SEM1: variants seen among roughly 807,000 people sequenced by gnomAD.
SEM1 encodes the protein 26S proteasome complex subunit SEM1.
Under a neutral mutation model 12.7 loss-of-function variants are expected in SEM1, and 3 were observed. That is an observed-to-expected ratio of 0.24 (90% CI 0.11 to 0.61). The LOEUF (loss-of-function observed/expected upper bound fraction) is 0.61. SEM1 is among the 20% of genes least tolerant of loss of function. The pLI, the probability that SEM1 is intolerant of heterozygous loss-of-function variation, is 0.88. For missense variants in SEM1, 59 were observed against 81.3 expected (o/e 0.73, Z 1.06); for synonymous variants, 30 against 27.8 (o/e 1.08, Z -0.25).
intron 2 of SEM1, among the ~76,000 whole-genome samples, chr7:96,554,679 C>A (rs537545584): frequency 1.3e-5 from 2 of 151,326 alleles, no homozygotes; most frequent in East Asian, 2.0e-4. Flanking sequence ...TGTCTCTGCC[C>A]GGCTTTGGTA....
At chr7:96,481,878 G>T (rs1307074622) in exon 4 of SEM1, 1 of 152,094 alleles carries the variant, frequency 6.6e-6, no homozygotes, top group Admixed American at 6.6e-5. Flanking sequence ...AATATGAAAT[G>T]TTAATATTAC....
At chr7:96,505,377 TA>T (rs1480087639) in intron 3 of SEM1, among the ~76,000 whole-genome samples, 4 of 152,128 alleles carry the variant, frequency 2.6e-5, no homozygotes, top group Non-Finnish European at 5.9e-5. Context: ...GTTTTGGGAC[TA>T]CAGGTGTGAG....
chr7:96,482,336 C>CA (rs1205064446), exon 4 of SEM1: 1 of 152,144 alleles, frequency 6.6e-6, no homozygotes, highest in Admixed American at 6.6e-5. Context: ...CTCTTTAATA[C>CA]ATTTATTTGT....
intron 1 of SEM1, among the ~76,000 whole-genome samples, chr7:96,494,234 T>C (rs1006969436): frequency 1.3e-5 from 2 of 152,180 alleles, no homozygotes; most frequent in Admixed American, 6.6e-5. Context: ...CAAGGCAAAA[T>C]GCTACCCAGG....
intron 2 of SEM1, among the ~76,000 whole-genome samples, chr7:96,637,600 A>C (rs1808466787): frequency 6.6e-6 from 1 of 151,808 alleles, no homozygotes; most frequent in African/African-American, 2.4e-5. Context: ...AGGATATTGG[A>C]CTCTTGGCAA....
chr7:96,553,608 T>C (rs1805372378), intron 2 of SEM1, among the ~76,000 whole-genome samples: 1 of 152,226 alleles, frequency 6.6e-6, no homozygotes, highest in Non-Finnish European at 1.5e-5. Context: ...CCTTGTAGTA[T>C]AGTTTGAAGT....
At chr7:96,632,518 A>G (rs970918278) in intron 2 of SEM1, among the ~76,000 whole-genome samples, 3 of 152,080 alleles carry the variant, frequency 2.0e-5, no homozygotes, top group African/African-American at 7.2e-5. Flanking sequence ...ACGCATGGAT[A>G]CAGGGAGGGG....
At chr7:96,541,944 C>CTT (rs34050482) in intron 2 of SEM1, among the ~76,000 whole-genome samples, 2,658 of 92,380 alleles carry the variant, frequency 0.029, 126 homozygotes, top group African/African-American at 0.065. Context: ...GCCTATGTGT[C>CTT]TTTTTTTTTT....
intron 2 of SEM1, among the ~76,000 whole-genome samples, chr7:96,666,678 C>A (rs1789181772): frequency 6.8e-6 from 1 of 147,396 alleles, no homozygotes; most frequent in Admixed American, 6.8e-5. Flanking sequence ...AGATGTACAG[C>A]TCAATCTCTG....
chr7:96,611,390 A>G (rs533329219), intron 2 of SEM1, among the ~76,000 whole-genome samples: 5 of 152,216 alleles, frequency 3.3e-5, no homozygotes, highest in East Asian at 1.9e-4. Flanking sequence ...CCTCTCCTAC[A>G]TCACCTAGGA....
chr7:96,651,420 A>G (rs1392199579), intron 2 of SEM1, among the ~76,000 whole-genome samples: 3 of 130,914 alleles, frequency 2.3e-5, no homozygotes, highest in African/African-American at 1.1e-4. Context: ...AGGTAGACTC[A>G]AGAAAAAAAA....
intron 2 of SEM1, among the ~76,000 whole-genome samples, chr7:96,579,225 A>G (rs1806304358): frequency 6.6e-6 from 1 of 152,212 alleles, no homozygotes; most frequent in Non-Finnish European, 1.5e-5. Context: ...CAATGGTGCC[A>G]GTCATTACTA....
At chr7:96,575,399 G>A (rs1806171169) in intron 2 of SEM1, among the ~76,000 whole-genome samples, 1 of 152,302 alleles carries the variant, frequency 6.6e-6, no homozygotes, top group Admixed American at 6.5e-5. Context: ...TGAGGTGTCT[G>A]TTGACCCCTG....
downstream of SEM1, among the ~76,000 whole-genome samples, chr7:96,619,278 T>C (rs1275070877): frequency 6.6e-6 from 1 of 152,218 alleles, no homozygotes; most frequent in Non-Finnish European, 1.5e-5. Context: ...TGAGTATGTA[T>C]GTATTTTGTT....
downstream of SEM1, among the ~76,000 whole-genome samples, chr7:96,672,287 G>C (rs760822320): frequency 2.0e-5 from 3 of 152,188 alleles, no homozygotes; most frequent in Non-Finnish European, 4.4e-5. Flanking sequence ...CTGAGCTGTA[G>C]AAGGTTGCAG....
chr7:96,690,532 C>G (rs1789898044), intron 2 of SEM1, among the ~76,000 whole-genome samples: 1 of 152,122 alleles, frequency 6.6e-6, no homozygotes, highest in Admixed American at 6.5e-5. Flanking sequence ...CATGAGGCTG[C>G]TGAGTGGAAA....
In SEM1 at chr7:96,541,944, CTTTTTT is replaced by C. The variant is rs34050482; in HGVS notation, c.171-35252_171-35247del. Reference sequence around the variant, plus strand: ...TATTCTGTTTCATTGGCCTATGTGTCTTTTTTTTTTTTTTTTTTTTTCCAATAGCAT... The same window carrying C: ...TATTCTGTTTCATTGGCCTATGTGTCTTTTTTTTTTTTTTTCCAATAGCAT... On this transcript the variant is annotated intron_variant and NMD_transcript_variant, in intron 2 of 3. Coordinates refer to the SEM1 transcript ENST00000466986. Among the ~76,000 whole-genome samples, 824 of 92,428 alleles carry C rather than the reference CTTTTTT, an allele frequency of 8.9e-3. 12 individuals are homozygous for C. The highest frequency in any genetic ancestry group is 0.032 in the African/African-American group (786 of 24,460). 60.6% of individuals were successfully genotyped at this position (92,428 alleles called of 152,430 possible). A position where few individuals can be genotyped will look rare whatever the true frequency, so the allele number is the denominator to read the frequency against.
At chr7:96,693,760 T>TTGTGTGTGTGTGTGTGTGTGTGTGTG (rs566641071) in intron 2 of SEM1, among the ~76,000 whole-genome samples, 6 of 139,558 alleles carry the variant, frequency 4.3e-5, no homozygotes, top group Non-Finnish European at 9.3e-5. Flanking sequence ...ACAATTCCAC[T>TTGTGTGTGTGTGTGTGTGTGTGTGTG]TGTGTGTGTG....
intron 2 of SEM1, among the ~76,000 whole-genome samples, chr7:96,601,442 G>A (rs1234236641): frequency 6.6e-6 from 1 of 152,120 alleles, no homozygotes; most frequent in African/African-American, 2.4e-5. Flanking sequence ...GGAGGTGAGG[G>A]TGTCAGCTCT....
Sources: gnomAD v4.1 joint callset for allele counts (sites outside exome capture counted in the v4.1 genomes callset) on GRCh38, gnomAD v4.1.1 for gene constraint, MANE v1.5 for transcripts, NCBI Gene and HGNC (gene_info 2026-07-23, HGNC 2026-07-21) for gene names.